BRINP2: variants seen among roughly 807,000 people sequenced by gnomAD.
BRINP2 encodes BMP/retinoic acid-inducible neural-specific protein 2.
In BRINP2, 21 loss-of-function variants were observed where a neutral mutation model predicts 69.2. The observed-to-expected ratio is 0.30, with a 90% CI of 0.22 to 0.44. The LOEUF is 0.44. BRINP2 is among the 20% of genes least tolerant of loss of function. The probability of loss-of-function intolerance (pLI) is 1.00; values close to 1 mark genes in which losing one functional copy is unlikely to be tolerated. For synonymous variants in BRINP2, 380 were observed against 394.1 expected (o/e 0.96, Z 0.42); for missense variants, 877 against 986.0 (o/e 0.89, Z 1.48).
At chr1:177,197,702 T>C (rs763043629) in intron 1 of BRINP2, among the ~76,000 whole-genome samples, 3 of 152,012 alleles carry the variant, frequency 2.0e-5, no homozygotes, top group Non-Finnish European at 4.4e-5. Context: ...CCGACCAAGA[T>C]GCATACCCAC....
At chr1:177,181,583 T>C (rs544830446) in intron 1 of BRINP2, among the ~76,000 whole-genome samples, 2 of 152,280 alleles carry the variant, frequency 1.3e-5, no homozygotes, top group African/African-American at 4.8e-5. Flanking sequence ...TGAAATCCCC[T>C]TGAGACATAG....
chr1:177,230,810 C>T (rs368705907), intron 2 of BRINP2, among the ~76,000 whole-genome samples: 10 of 152,200 alleles, frequency 6.6e-5, no homozygotes, highest in African/African-American at 2.4e-4. Context: ...AAATAGAGTG[C>T]TCCTCCACGT....
At chr1:177,269,636 T>C (rs1195635877) in intron 4 of BRINP2, among the ~76,000 whole-genome samples, 1 of 152,210 alleles carries the variant, frequency 6.6e-6, no homozygotes, top group Admixed American at 6.5e-5. Flanking sequence ...ATCAGCTCTG[T>C]TCTCCCATCC....
intron 4 of BRINP2, among the ~76,000 whole-genome samples, chr1:177,270,083 G>T (rs1293348): frequency 0.039 from 1,081 of 27,798 alleles, 20 homozygotes; most frequent in Middle Eastern, 0.087. Flanking sequence ...GGCAAGGGGT[G>T]GGGGGGGTGG....
Position 177,280,934 on chromosome 1 carries a change from G to C in BRINP2, c.1758G>C (p.Met586Ile), listed in dbSNP as rs1423748890. ...AGAACAGCACCCTGGAGCCTGTCATGGCCATCTACGTCAACCCCTTTGGGG... is the reference window on the plus strand; with the variant it reads ...AGAACAGCACCCTGGAGCCTGTCATCGCCATCTACGTCAACCCCTTTGGGG... ...LTKNSTLEPV[M>I]AIYVNPFGGS... The change falls in exon 8 of 8, where the codon ATG becomes ATC. Residue 586 changes from methionine (M) to isoleucine (I), a missense_variant. Coordinates refer to ENST00000361539, the MANE Select transcript of BRINP2 (RefSeq NM_021165.4). 1 of 1,614,160 alleles carries C rather than the reference G, an allele frequency of 6.2e-7. No homozygotes were observed. The highest frequency in any genetic ancestry group is 8.5e-7 in the Non-Finnish European group (1 of 1,180,036).
At chr1:177,272,826 T>C (rs1651371347) in intron 4 of BRINP2, among the ~76,000 whole-genome samples, 1 of 152,254 alleles carries the variant, frequency 6.6e-6, no homozygotes, top group South Asian at 2.1e-4. Flanking sequence ...ATTTTTCATC[T>C]TATACTTTAA....
chr1:177,208,872 C>A (rs1649137306), intron 1 of BRINP2, among the ~76,000 whole-genome samples: 1 of 152,164 alleles, frequency 6.6e-6, no homozygotes, highest in African/African-American at 2.4e-5. Flanking sequence ...TACTGTACTC[C>A]AGGGGTGTGT....
At chr1:177,271,737 C>G (rs894560121) in intron 4 of BRINP2, among the ~76,000 whole-genome samples, 1 of 152,176 alleles carries the variant, frequency 6.6e-6, no homozygotes, top group Admixed American at 6.5e-5. Flanking sequence ...TCTATTGCTA[C>G]CCCTTGGTAT....
At chr1:177,256,890 G>A in intron 3 of BRINP2, 1 of 1,242,656 alleles carries the variant, frequency 8.0e-7, no homozygotes. Context: ...TCTCCCCTAT[G>A]AAGATGGATT....
At chr1:177,249,693 C>G (rs1375529626) in intron 2 of BRINP2, among the ~76,000 whole-genome samples, 1 of 152,024 alleles carries the variant, frequency 6.6e-6, no homozygotes, top group African/African-American at 2.4e-5. Flanking sequence ...AAAAAAGAGC[C>G]TTGATTATTC....
At chr1:177,232,715 A>C (rs1649900733) in intron 2 of BRINP2, among the ~76,000 whole-genome samples, 1 of 152,182 alleles carries the variant, frequency 6.6e-6, no homozygotes, top group South Asian at 2.1e-4. Flanking sequence ...GGTCAAAGAA[A>C]ACTGGTAAAA....
intron 1 of BRINP2, among the ~76,000 whole-genome samples, chr1:177,221,475 G>T (rs557374823): frequency 6.6e-6 from 1 of 152,122 alleles, no homozygotes; most frequent in Non-Finnish European, 1.5e-5. Flanking sequence ...TTTAAATAAC[G>T]TATTGCACTT....
rs527939368 is a variant in BRINP2 at position 177,258,129 on chromosome 1, T to A, written c.669+745T>A. On this transcript the variant is annotated intron_variant, in intron 4 of 7. Coordinates refer to ENST00000361539, the MANE Select transcript of BRINP2 (RefSeq NM_021165.4). ...GTGTTTTTAAGAGATCAATAGTTAT[T>A]GTGACTTTAATAACTATAACCTTCA... Among the ~76,000 whole-genome samples, 69 of 152,358 alleles carry A rather than the reference T, an allele frequency of 4.5e-4. 1 individual carries two copies. The highest frequency in any genetic ancestry group is 1.6e-3 in the African/African-American group (68 of 41,588).
intron 1 of BRINP2, among the ~76,000 whole-genome samples, chr1:177,229,190 A>G (rs1027493144): frequency 1.3e-5 from 2 of 152,154 alleles, no homozygotes; most frequent in Admixed American, 1.3e-4. Context: ...AGGCTGGAAG[A>G]GGTCTTAGAA....
At chr1:177,244,961 AAATAAGC>A (rs1353632557) in intron 2 of BRINP2, among the ~76,000 whole-genome samples, 1 of 152,166 alleles carries the variant, frequency 6.6e-6, no homozygotes, top group Non-Finnish European at 1.5e-5. Flanking sequence ...TGAGGGAAGG[AAATAAGC>A]TCCCCTCTCA....
At chr1:177,264,827 A>G (rs1040099721) in intron 4 of BRINP2, among the ~76,000 whole-genome samples, 3 of 152,240 alleles carry the variant, frequency 2.0e-5, no homozygotes, top group African/African-American at 7.2e-5. Context: ...ATGGAAAAAC[A>G]TTCCATGCTC....
In BRINP2 at chr1:177,216,786, T is replaced by G. The variant is rs964739308; in HGVS notation, c.-76-13015T>G. Among the ~76,000 whole-genome samples, 14 of 151,788 alleles carry G rather than the reference T, an allele frequency of 9.2e-5. 1 individual carries two copies. The highest frequency in any genetic ancestry group is 7.9e-4 in the Admixed American group (12 of 15,258). On this transcript the variant is annotated intron_variant, in intron 1 of 7. Coordinates refer to ENST00000361539, the MANE Select transcript of BRINP2 (RefSeq NM_021165.4). ...AAGTATTCTTGGTTGGTAGTTTTTTTTTTTTTTTTTCACTTCACCACTTTG... is the reference window on the plus strand; with the variant it reads ...AAGTATTCTTGGTTGGTAGTTTTTTGTTTTTTTTTTCACTTCACCACTTTG...
At chr1:177,201,094 C>G (rs752420103) in intron 1 of BRINP2, among the ~76,000 whole-genome samples, 5 of 151,952 alleles carry the variant, frequency 3.3e-5, no homozygotes, top group African/African-American at 4.8e-5. Flanking sequence ...GTATGCTGCT[C>G]AAGTGATGGG....
intron 4 of BRINP2, among the ~76,000 whole-genome samples, chr1:177,259,751 A>G (rs531965337): frequency 1.1e-4 from 16 of 152,302 alleles, no homozygotes; most frequent in African/African-American, 3.6e-4. Context: ...ATGACAGCAT[A>G]TTTGTTTACA....
Sources: allele counts gnomAD v4.1 joint callset (sites outside exome capture counted in the v4.1 genomes callset), GRCh38; gene constraint gnomAD v4.1.1; transcripts MANE v1.5; gene names NCBI Gene and HGNC (gene_info 2026-07-23, HGNC 2026-07-21).